The following KCNQ1 variants were observed in gnomAD, a reference collection of about 807,000 sequenced individuals.
The protein encoded by KCNQ1 is potassium voltage-gated channel subfamily KQT member 1.
KCNQ1 carries 49 observed loss-of-function variants against 72.4 expected under a neutral mutation model. That is an observed-to-expected ratio of 0.68 (90% CI 0.54 to 0.86). The LOEUF is 0.86. Among genes scored for constraint, KCNQ1 ranks in the 40% least tolerant of loss-of-function variants. The probability of loss-of-function intolerance (pLI) is 0.00; values close to 1 mark genes in which losing one functional copy is unlikely to be tolerated. For missense variants in KCNQ1, 790 were observed against 945.1 expected (o/e 0.84, Z 2.15); for synonymous variants, 450 against 412.6 (o/e 1.09, Z -1.10).
chr11:2,456,167 A>AT (rs2133574081), intron 1 of KCNQ1, among the ~76,000 whole-genome samples: 1 of 152,156 alleles, frequency 6.6e-6, no homozygotes, highest in African/African-American at 2.4e-5. Flanking sequence ...GTGAAACCCC[A>AT]TCTCTACTAA....
intron 2 of KCNQ1, among the ~76,000 whole-genome samples, chr11:2,540,247 A>G (rs1847803117): frequency 6.6e-6 from 1 of 152,220 alleles, no homozygotes; most frequent in African/African-American, 2.4e-5. Flanking sequence ...AGGGCATTAC[A>G]TTCAGATGAG....
rs1285635945 is a variant in KCNQ1 at position 2,671,333 on chromosome 11, C to T, written c.1514+9252C>T. On this transcript the variant is annotated intron_variant, in intron 11 of 15. Coordinates refer to ENST00000155840, the MANE Select transcript of KCNQ1 (RefSeq NM_000218.3). The surrounding 1 kb of genome is among the most constrained non-coding windows in gnomAD (Gnocchi z 4.7). ...CCATGTGTGGCTGCAGCCTCAGAGG[C>T]TCCCTCTGAAGATGACACTGGGAAT... 2 of 398,610 alleles carry T rather than the reference C, an allele frequency of 5.0e-6. No homozygotes were observed. Among genetic ancestry groups the T allele is most frequent in the East Asian group, 7.1e-5 (2 of 28,076 alleles). The allele number at this position is 398,610 out of a possible 1,614,324, so 24.7% of individuals were successfully genotyped here.
In KCNQ1 at chr11:2,496,380, C is replaced by T. The variant is rs186203613; in HGVS notation, c.387-31548C>T. On this transcript the variant is annotated intron_variant, in intron 1 of 15. Coordinates refer to ENST00000155840, the MANE Select transcript of KCNQ1 (RefSeq NM_000218.3). ...TGAACCCGGGAGGTGGAGCTTGCAG[C>T]GAGCCAAGATAGCGCCACTGCAGTC... 5.2e-4 allele frequency among the ~76,000 whole-genome samples: 79 copies of T among 151,206 alleles called. 1 individual carries two copies. Among genetic ancestry groups the T allele is most frequent in the Admixed American group, 2.7e-3 (41 of 15,170 alleles).
chr11:2,574,274 G>A (rs1076147), intron 6 of KCNQ1, among the ~76,000 whole-genome samples: 6,816 of 152,272 alleles, frequency 0.045, 484 homozygotes, highest in African/African-American at 0.16. Flanking sequence ...GTGCCGAGGT[G>A]ACAGGGTGAC....
At chr11:2,533,769 C>G (rs1847681022) in intron 2 of KCNQ1, among the ~76,000 whole-genome samples, 2 of 152,346 alleles carry the variant, frequency 1.3e-5, no homozygotes, top group South Asian at 4.1e-4. Flanking sequence ...AGACCCTGCC[C>G]TGGCCCAGGT....
At chr11:2,697,936 G>A (rs1165754199) in intron 11 of KCNQ1, 1 of 398,488 alleles carries the variant, frequency 2.5e-6, no homozygotes. Flanking sequence ...CAGCATGTTA[G>A]GAAACACATT....
rs955604335 is a variant in KCNQ1 at position 2,515,649 on chromosome 11, G to A, written c.387-12279G>A. Among the ~76,000 whole-genome samples the A allele has an allele frequency of 6.6e-6, 1 of 152,152 alleles. No individual in the cohort carries two copies. The highest frequency in any genetic ancestry group is 2.4e-5 in the African/African-American group (1 of 41,432). On this transcript the variant is annotated intron_variant, in intron 1 of 15. Coordinates refer to ENST00000155840, the MANE Select transcript of KCNQ1 (RefSeq NM_000218.3). This position sits in a 1 kb window ranked among gnomAD's most constrained non-coding sequence, Gnocchi z 4.7. The stretch of plus-strand genomic sequence containing the variant: ...TCACCCTAGGCAGGCCTCTCACAGA[G>A]ACAAGACGAGTGTCCTAGGGCAGAT...
At chr11:2,531,622 C>G (rs998891441) in intron 2 of KCNQ1, among the ~76,000 whole-genome samples, 2 of 152,204 alleles carry the variant, frequency 1.3e-5, no homozygotes, top group South Asian at 2.1e-4. Flanking sequence ...CCGGCCCTTT[C>G]ACTGCCCTGC....
Position 2,600,135 on chromosome 11 carries a change from C to T in KCNQ1, c.1393+11281C>T, listed in dbSNP as rs1175356688. On this transcript the variant is annotated intron_variant, in intron 10 of 15. Transcript: ENST00000155840. The surrounding 1 kb of genome is among the most constrained non-coding windows in gnomAD (Gnocchi z 5.6). ...CTGTACCTCTATTGAAATCTAGTGC[C>T]GGATAATTCTTTGTTGAGGGAGGAA... Among the ~76,000 whole-genome samples, 5 of 152,070 alleles carry T rather than the reference C, an allele frequency of 3.3e-5. No individual in the cohort carries two copies. The highest frequency in any genetic ancestry group is 1.2e-4 in the African/African-American group (5 of 41,382).
chr11:2,589,591 G>T (rs1848644817), intron 10 of KCNQ1, among the ~76,000 whole-genome samples: 1 of 152,176 alleles, frequency 6.6e-6, no homozygotes, highest in African/African-American at 2.4e-5. Context: ...GAATACAGCA[G>T]TGCCCGGTTG....
At chr11:2,604,770 C>T (rs543672306) in intron 10 of KCNQ1, among the ~76,000 whole-genome samples, 40 of 152,218 alleles carry the variant, frequency 2.6e-4, no homozygotes, top group African/African-American at 9.1e-4. Context: ...GTCTCGATCT[C>T]CTGACCTCGT....
chr11:2,527,301 G>C (rs568174237), intron 1 of KCNQ1, among the ~76,000 whole-genome samples: 26 of 152,146 alleles, frequency 1.7e-4, no homozygotes, highest in Non-Finnish European at 3.5e-4. Context: ...CAGGTGTCAG[G>C]ACCCCCACCT....
rs1847752150 is a variant in KCNQ1 at position 2,537,494 on chromosome 11, C to G, written c.477+9476C>G. ...GGCCAGCCCACCGTGCCCCACGTTT[C>G]TACAGTGCCCAGGTTGGCGCAGGGC... On this transcript the variant is annotated intron_variant, in intron 2 of 15. Transcript: ENST00000155840. This position sits in a 1 kb window ranked among gnomAD's most constrained non-coding sequence, Gnocchi z 5.2. Among the ~76,000 whole-genome samples the G allele has an allele frequency of 6.6e-6, 1 of 152,074 alleles. No individual in the cohort carries two copies. Among genetic ancestry groups the G allele is most frequent in the African/African-American group, 2.4e-5 (1 of 41,338 alleles).
Position 2,683,844 on chromosome 11 carries a change from C to T in KCNQ1, c.1514+21763C>T, listed in dbSNP as rs1850439977. 2.0e-5 allele frequency: 8 copies of T among 398,630 alleles called. No homozygotes were observed. Among genetic ancestry groups the T allele is most frequent in the Non-Finnish European group, 3.1e-5 (7 of 226,078 alleles). The allele number at this position is 398,630 out of a possible 1,614,324, so 24.7% of individuals were successfully genotyped here. A position where few individuals can be genotyped will look rare whatever the true frequency, so the allele number is the denominator to read the frequency against. On this transcript the variant is annotated intron_variant, in intron 11 of 15. Transcript: ENST00000155840. The surrounding 1 kb of genome is among the most constrained non-coding windows in gnomAD (Gnocchi z 4.7). ...AGAATGGCTTTGTTGGATTCCCCTC[C>T]CTGGCCCCACACTCACTGCTACATC...
In KCNQ1 at chr11:2,623,962, C is replaced by A; in HGVS notation, c.1393+35108C>A. ...GAAGAACCACCAAACTCTTCTCCAC[C>A]AGGGCTGCACCACTTTACATTCCCA... On this transcript the variant is annotated intron_variant, in intron 10 of 15. Coordinates refer to ENST00000155840, the MANE Select transcript of KCNQ1 (RefSeq NM_000218.3). This position sits in a 1 kb window ranked among gnomAD's most constrained non-coding sequence, Gnocchi z 5.2. The A allele has an allele frequency of 2.5e-6, 1 of 398,588 alleles. No homozygotes were observed. The highest frequency in any genetic ancestry group is 4.4e-6 in the Non-Finnish European group (1 of 226,068). The allele number at this position is 398,588 out of a possible 1,614,324, so 24.7% of individuals were successfully genotyped here. A position where few individuals can be genotyped will look rare whatever the true frequency, so the allele number is the denominator to read the frequency against.
rs960924101 is a variant in KCNQ1, at chr11:2,509,830, C to T, written c.387-18098C>T. ...GGGAGGTGTGGACAGGGAACCCTGGCGGGGCCGGCCAATGGTGGCGTGATG... is the reference window on the plus strand; with the variant it reads ...GGGAGGTGTGGACAGGGAACCCTGGTGGGGCCGGCCAATGGTGGCGTGATG... On this transcript the variant is annotated intron_variant, in intron 1 of 15. Coordinates refer to ENST00000155840, the MANE Select transcript of KCNQ1 (RefSeq NM_000218.3). The surrounding 1 kb of genome is among the most constrained non-coding windows in gnomAD (Gnocchi z 6.3). 5.9e-5 allele frequency among the ~76,000 whole-genome samples: 9 copies of T among 152,108 alleles called. No individual in the cohort carries two copies. The highest frequency in any genetic ancestry group is 2.0e-4 in the Admixed American group (3 of 15,272).
In KCNQ1 at chr11:2,537,604, G is replaced by C. The variant is rs1847753790; in HGVS notation, c.477+9586G>C. ...GGCTTGTCAGAACGAGCAGCTCCCA[G>C]GCACCCTCTGCCAGGTCAGCAGTGG... is the stretch of plus-strand genomic sequence containing the variant. On this transcript the variant is annotated intron_variant, in intron 2 of 15. Transcript: ENST00000155840. The surrounding 1 kb of genome is among the most constrained non-coding windows in gnomAD (Gnocchi z 5.2). Among the ~76,000 whole-genome samples the C allele has an allele frequency of 6.6e-6, 1 of 152,040 alleles. No homozygotes were observed. The highest frequency in any genetic ancestry group is 2.4e-5 in the African/African-American group (1 of 41,294).
chr11:2,570,543 A>G (rs1422976921), intron 2 of KCNQ1, 85 bp from the exon 3 acceptor site: 10 of 1,578,346 alleles, frequency 6.3e-6, no homozygotes, highest in Non-Finnish European at 8.6e-6. Flanking sequence ...AGGCTCCAGC[A>G]TGGCTGGGTT....
chr11:2,473,932 C>T lies in KCNQ1; in HGVS notation c.386+28448C>T, dbSNP rs1846530331. On this transcript the variant is annotated intron_variant, in intron 1 of 15. Coordinates refer to ENST00000155840, the MANE Select transcript of KCNQ1 (RefSeq NM_000218.3). The surrounding 1 kb of genome is among the most constrained non-coding windows in gnomAD (Gnocchi z 6.0). ...GAACGGACATCCTCCTTCACCAAAT[C>T]CGCAAAATAGGCCTGATGCCAGGAA... Among the ~76,000 whole-genome samples, 1 of 152,250 alleles carries T rather than the reference C, an allele frequency of 6.6e-6. No individual in the cohort carries two copies. Among genetic ancestry groups the T allele is most frequent in the African/African-American group, 2.4e-5 (1 of 41,472 alleles).
Sources: allele counts gnomAD v4.1 joint callset (sites outside exome capture counted in the v4.1 genomes callset), GRCh38; gene constraint gnomAD v4.1.1; non-coding constraint Gnocchi (gnomAD v3.1); transcripts MANE v1.5; gene names NCBI Gene and HGNC (gene_info 2026-07-23, HGNC 2026-07-21).